The following SEC11A variants were observed in gnomAD, a reference collection of about 807,000 sequenced individuals.
SEC11A encodes signal peptidase complex catalytic subunit SEC11A.
In SEC11A, 14 loss-of-function variants were observed where a neutral mutation model predicts 25.6. The observed-to-expected ratio is 0.55, with a 90% CI of 0.36 to 0.85. The LOEUF (loss-of-function observed/expected upper bound fraction) is 0.85, where lower values mean the gene tolerates loss of function less well. SEC11A is among the 40% of genes least tolerant of loss of function. The pLI, the probability that SEC11A is intolerant of heterozygous loss-of-function variation, is 0.01. For missense variants in SEC11A, 153 were observed against 222.9 expected, an observed-to-expected ratio of 0.69 and a Z score of 2.00; for synonymous variants, 83 against 76.4, an observed-to-expected ratio of 1.09 and a Z score of -0.45.
intron 1 of SEC11A, among the ~76,000 whole-genome samples, chr15:84,714,397 A>G (rs944990931): frequency 6.6e-6 from 1 of 151,950 alleles, no homozygotes; most frequent in Non-Finnish European, 1.5e-5. Context: ...TGTGCCAGAC[A>G]CTCTTCTGAG....
intron 4 of SEC11A, among the ~76,000 whole-genome samples, chr15:84,676,087 G>C (rs771880421): frequency 2.0e-5 from 3 of 152,156 alleles, no homozygotes; most frequent in Non-Finnish European, 4.4e-5. Flanking sequence ...GGTGATGGTT[G>C]CACAATCTTG....
chr15:84,681,747 G>A (rs1897288289), intron 3 of SEC11A, among the ~76,000 whole-genome samples: 1 of 151,996 alleles, frequency 6.6e-6, no homozygotes, highest in Non-Finnish European at 1.5e-5. Context: ...ACACAATTGG[G>A]GATTTGAACA....
At chr15:84,681,415 A>G (rs1010608228) in intron 3 of SEC11A, among the ~76,000 whole-genome samples, 4 of 152,040 alleles carry the variant, frequency 2.6e-5, no homozygotes, top group African/African-American at 9.7e-5. Flanking sequence ...GGATCACCTG[A>G]GGTCAGAAGT....
chr15:84,670,998 A>C lies in SEC11A; in HGVS notation c.432-216T>G. 6 of 382,726 alleles carry C rather than the reference A, an allele frequency of 1.6e-5. No individual in the cohort carries two copies. The South Asian group carries it at 2.0e-4, about 13-fold the overall frequency. 23.7% of individuals were successfully genotyped at this position (382,726 alleles called of 1,614,324 possible). A position where few individuals can be genotyped will look rare whatever the true frequency, so the allele number is the denominator to read the frequency against. ...GATGAGGAAACAGATGATCATGCCCAAGGTACATGGTTTCTGTGTGGCAGA... is the reference window on the plus strand; with the variant it reads ...GATGAGGAAACAGATGATCATGCCCCAGGTACATGGTTTCTGTGTGGCAGA... On this transcript the variant is annotated intron_variant, in intron 4 of 5. Transcript: ENST00000268220.
intron 1 of SEC11A, among the ~76,000 whole-genome samples, chr15:84,704,885 T>C (rs748352018): frequency 6.6e-6 from 1 of 151,658 alleles, no homozygotes; most frequent in African/African-American, 2.4e-5. Flanking sequence ...TCCTGGAGGA[T>C]AGTAGCTGTT....
intron 2 of SEC11A, among the ~76,000 whole-genome samples, chr15:84,690,636 G>A (rs1238975815): frequency 1.3e-5 from 2 of 151,992 alleles, no homozygotes; most frequent in African/African-American, 4.8e-5. Flanking sequence ...TATTCACTAA[G>A]AGTATGAGTG....
chr15:84,716,062 T>C lies in SEC11A; in HGVS notation c.14A>G (p.Asp5Gly). Residue 5 changes from aspartate (D) to glycine (G), a missense_variant, in exon 1 of 6, where the codon GAC becomes GGC. Transcript: ENST00000268220. MLSL[D>G]FLDDVRRMNK... is the part of the protein sequence containing the mutation. The stretch of plus-strand genomic sequence containing the variant: ...CATCCGCCGCACATCGTCCAAAAAG[T>C]CTAGAGACAGCATGGCGGGGACGGC... The C allele has an allele frequency of 6.2e-7, 1 of 1,613,720 alleles. No homozygotes were observed. Among genetic ancestry groups the C allele is most frequent in the South Asian group, 1.1e-5 (1 of 91,056 alleles).
chr15:84,700,279 T>C (rs960183443), intron 1 of SEC11A, among the ~76,000 whole-genome samples: 2 of 151,434 alleles, frequency 1.3e-5, no homozygotes, highest in African/African-American at 2.4e-5. Context: ...GACCCAGAAA[T>C]GGCAGAAATT....
At chr15:84,701,914 C>T (rs149380536) in intron 1 of SEC11A, among the ~76,000 whole-genome samples, 2,150 of 150,382 alleles carry the variant, frequency 0.014, 50 homozygotes, top group African/African-American at 0.046. Flanking sequence ...TAAAAATACA[C>T]AAATTAGCTG....
rs575496805 is a variant in SEC11A at position 84,669,922 on chromosome 15, G to T, written c.*97C>A. Reference sequence around the variant, plus strand: ...CAGTGCTACCCAGAAGCACCAACACGTGTGTTCTCCATTCCACCAATCACA... The same window carrying T: ...CAGTGCTACCCAGAAGCACCAACACTTGTGTTCTCCATTCCACCAATCACA... On this transcript the variant is annotated 3_prime_UTR_variant, in exon 6 of 6. Coordinates refer to ENST00000268220, the MANE Select transcript of SEC11A (RefSeq NM_014300.4). 1.3e-6 allele frequency: 2 copies of T among 1,594,344 alleles called. No individual in the cohort carries two copies. The highest frequency in any genetic ancestry group is 1.3e-5 in the African/African-American group (1 of 74,548).
rs757408163 is a variant in SEC11A, at chr15:84,716,106, G to A, written c.-31C>T. 3 of 1,610,468 alleles carry A rather than the reference G, an allele frequency of 1.9e-6. No individual in the cohort carries two copies. The highest frequency in any genetic ancestry group is 1.7e-6 in the Non-Finnish European group (2 of 1,177,362). On this transcript the variant is annotated 5_prime_UTR_variant, in exon 1 of 6. Transcript: ENST00000268220. ...GGACGGCGAGCAGGACACCGGCAGGGGAAAGGGCGCGATGACCAGCGGGCG... is the reference window on the plus strand; with the variant it reads ...GGACGGCGAGCAGGACACCGGCAGGAGAAAGGGCGCGATGACCAGCGGGCG...
At chr15:84,676,078 G>A (rs535108756) in intron 4 of SEC11A, among the ~76,000 whole-genome samples, 6 of 152,266 alleles carry the variant, frequency 3.9e-5, no homozygotes, top group African/African-American at 1.4e-4. Context: ...TTAGATAGTG[G>A]TGATGGTTGC....
At chr15:84,713,193 CA>C (rs776219142) in intron 1 of SEC11A, among the ~76,000 whole-genome samples, 125 of 58,186 alleles carry the variant, frequency 2.1e-3, no homozygotes, top group Middle Eastern at 9.6e-3. Flanking sequence ...GACTCCGTCT[CA>C]AAAAAAAAAA....
intron 1 of SEC11A, among the ~76,000 whole-genome samples, chr15:84,700,430 C>T (rs1354527180): frequency 2.0e-5 from 3 of 150,504 alleles, no homozygotes; most frequent in Non-Finnish European, 4.4e-5. Context: ...CCCATCTCTA[C>T]TAAAAATACA....
chr15:84,689,660 T>C lies in SEC11A; in HGVS notation c.161+1875A>G, dbSNP rs1179957641. 4.0e-5 allele frequency among the ~76,000 whole-genome samples: 6 copies of C among 150,022 alleles called. No homozygotes were observed. The East Asian group carries it at 9.8e-4, about 25-fold the overall frequency. On this transcript the variant is annotated intron_variant, in intron 2 of 5. Coordinates refer to ENST00000268220, the MANE Select transcript of SEC11A (RefSeq NM_014300.4). ...ATTTCAATTGTCACCCAGGCTGGAG[T>C]GCAATGGAGCGATCTCCGCTCACTG...
At chr15:84,670,996 C>T (rs1896969114) in intron 4 of SEC11A, 1 of 385,846 alleles carries the variant, frequency 2.6e-6, no homozygotes, top group Admixed American at 4.6e-5. Flanking sequence ...ATGATCATGC[C>T]CAAGGTACAT....
At chr15:84,678,783 G>A (rs946273288) in intron 4 of SEC11A, among the ~76,000 whole-genome samples, 2 of 151,948 alleles carry the variant, frequency 1.3e-5, no homozygotes, top group African/African-American at 4.8e-5. Flanking sequence ...ATTTGAAGCT[G>A]GGAGTTTGAG....
At chr15:84,702,200 C>T (rs1043974561) in intron 1 of SEC11A, among the ~76,000 whole-genome samples, 1 of 151,820 alleles carries the variant, frequency 6.6e-6, no homozygotes, top group African/African-American at 2.4e-5. Flanking sequence ...GTGGCTCACA[C>T]CTGTAATCCC....
At chr15:84,706,658 CTTTTG>C (rs774515638) in intron 1 of SEC11A, among the ~76,000 whole-genome samples, 8 of 152,162 alleles carry the variant, frequency 5.3e-5, no homozygotes, top group Admixed American at 3.9e-4. Context: ...AGAAACGTAA[CTTTTG>C]TTTTATCTTT....
Sources: allele counts gnomAD v4.1 joint callset (sites outside exome capture counted in the v4.1 genomes callset), GRCh38; gene constraint gnomAD v4.1.1; transcripts MANE v1.5; gene names NCBI Gene and HGNC (gene_info 2026-07-23, HGNC 2026-07-21).